TMTC2: variants seen among roughly 807,000 people sequenced by gnomAD.
TMTC2 encodes protein O-mannosyl-transferase TMTC2.
In TMTC2, 43 loss-of-function variants were observed where a neutral mutation model predicts 82.4. The observed-to-expected ratio is 0.52, with a 90% CI of 0.41 to 0.67. The LOEUF (loss-of-function observed/expected upper bound fraction) is 0.67. TMTC2 is among the 30% of genes least tolerant of loss of function. The pLI is 0.00. For synonymous variants in TMTC2, 408 were observed against 381.9 expected (o/e 1.07, Z -0.80); for missense variants, 919 against 1,012.4 (o/e 0.91, Z 1.25).
At chr12:82,805,078 G>C (rs1382280543) in intron 1 of TMTC2, among the ~76,000 whole-genome samples, 1 of 152,102 alleles carries the variant, frequency 6.6e-6, no homozygotes, top group Non-Finnish European at 1.5e-5. Flanking sequence ...GTTTCCATTG[G>C]CTGGAACAGG....
intron 1 of TMTC2, among the ~76,000 whole-genome samples, chr12:82,791,808 T>C (rs1371017542): frequency 2.0e-5 from 3 of 152,130 alleles, no homozygotes; most frequent in African/African-American, 7.2e-5. Flanking sequence ...TTTTGAGAAC[T>C]ACTGCTGTAG....
intron 3 of TMTC2, among the ~76,000 whole-genome samples, chr12:82,916,824 G>A (rs1875029030): frequency 6.6e-6 from 1 of 151,984 alleles, no homozygotes; most frequent in Admixed American, 6.6e-5. Context: ...CTACAGATAG[G>A]GGAAAGAGAA....
intron 8 of TMTC2, among the ~76,000 whole-genome samples, chr12:83,000,893 C>T (rs1439507032): frequency 6.6e-6 from 1 of 152,180 alleles, no homozygotes; most frequent in Non-Finnish European, 1.5e-5. Context: ...AGGCTCAACA[C>T]CACATGGAAG....
At chr12:82,879,080 A>G (rs1370528291) in intron 2 of TMTC2, among the ~76,000 whole-genome samples, 1 of 152,160 alleles carries the variant, frequency 6.6e-6, no homozygotes, top group Non-Finnish European at 1.5e-5. Flanking sequence ...TTATAGATAC[A>G]AATTTTTGAC....
intron 2 of TMTC2, among the ~76,000 whole-genome samples, chr12:82,887,401 G>A (rs551669729): frequency 6.6e-6 from 1 of 152,170 alleles, no homozygotes; most frequent in East Asian, 1.9e-4. Context: ...CCCATAGAAG[G>A]GAATAATTCA....
chr12:82,795,260 G>A (rs1264730044), intron 1 of TMTC2, among the ~76,000 whole-genome samples: 2 of 148,968 alleles, frequency 1.3e-5, no homozygotes, highest in South Asian at 2.1e-4. Flanking sequence ...AGCCGAGATC[G>A]TGCCACTGCA....
chr12:82,839,476 A>C (rs1198042429), intron 1 of TMTC2, among the ~76,000 whole-genome samples: 2 of 152,128 alleles, frequency 1.3e-5, no homozygotes, highest in East Asian at 3.8e-4. Flanking sequence ...GGGCTGACTT[A>C]TATGAAGGGT....
At chr12:82,968,803 C>T (rs1017579041) in intron 7 of TMTC2, among the ~76,000 whole-genome samples, 4 of 151,992 alleles carry the variant, frequency 2.6e-5, no homozygotes, top group African/African-American at 9.7e-5. Context: ...TAAGTGTGTC[C>T]CTGGGGGTTA....
chr12:83,053,908 G>A (rs1309300496), intron 10 of TMTC2, among the ~76,000 whole-genome samples: 1 of 152,090 alleles, frequency 6.6e-6, no homozygotes, highest in Non-Finnish European at 1.5e-5. Flanking sequence ...TGAGGTGGAA[G>A]TAGTATTAAT....
intron 4 of TMTC2, among the ~76,000 whole-genome samples, chr12:82,936,596 A>G (rs531527598): frequency 3.6e-4 from 55 of 152,294 alleles, no homozygotes; most frequent in Admixed American, 1.8e-3. Context: ...TTACAATTAA[A>G]TTACTATACT....
chr12:82,748,629 A>G (rs1036629299), intron 1 of TMTC2, among the ~76,000 whole-genome samples: 23 of 152,292 alleles, frequency 1.5e-4, no homozygotes, highest in African/African-American at 5.1e-4. Flanking sequence ...TAATCCCAGC[A>G]CTTTGGGAGG....
At chr12:83,054,194 C>T (rs1592718800) in intron 10 of TMTC2, among the ~76,000 whole-genome samples, 1 of 152,188 alleles carries the variant, frequency 6.6e-6, no homozygotes, top group East Asian at 1.9e-4. Context: ...GAGAAGTAAA[C>T]TTTGTTGTCT....
intron 11 of TMTC2, among the ~76,000 whole-genome samples, chr12:83,073,080 T>C (rs1240671940): frequency 1.3e-5 from 2 of 152,142 alleles, no homozygotes; most frequent in Non-Finnish European, 2.9e-5. Context: ...TTTTGCTTTT[T>C]AACATGTATT....
chr12:82,859,589 T>C (rs190245059), intron 2 of TMTC2, among the ~76,000 whole-genome samples: 1 of 152,350 alleles, frequency 6.6e-6, no homozygotes, highest in East Asian at 1.9e-4. Context: ...TTAATCTTTG[T>C]TTCTCTGAAA....
chr12:82,705,599 G>A (rs751829725), intron 1 of TMTC2, among the ~76,000 whole-genome samples: 2 of 152,164 alleles, frequency 1.3e-5, no homozygotes, highest in Admixed American at 6.5e-5. Flanking sequence ...TTTGAACTTC[G>A]TTTATTTTAA....
At chr12:82,876,156 A>ATTAGTAATGGTGGTGGTG (rs1872560887) in intron 2 of TMTC2, among the ~76,000 whole-genome samples, 3 of 114,924 alleles carry the variant, frequency 2.6e-5, no homozygotes, top group Non-Finnish European at 5.1e-5. Context: ...TGGTGGTGGT[A>ATTAGTAATGGTGGTGGTG]GTGGTGGTAG....
intron 1 of TMTC2, among the ~76,000 whole-genome samples, chr12:82,851,536 AC>A (rs1160394472): frequency 6.6e-6 from 1 of 152,214 alleles, no homozygotes; most frequent in Non-Finnish European, 1.5e-5. Flanking sequence ...TCTCTAGTTT[AC>A]AGTTGAGGAA....
intron 2 of TMTC2, among the ~76,000 whole-genome samples, chr12:82,885,206 C>T (rs1873029278): frequency 7.0e-6 from 1 of 143,748 alleles, no homozygotes; most frequent in Non-Finnish European, 1.5e-5. Flanking sequence ...CCCAGCCAGA[C>T]TTTGTTTTTG....
At chr12:82,796,213 A>G (rs1481146220) in intron 1 of TMTC2, among the ~76,000 whole-genome samples, 1 of 152,142 alleles carries the variant, frequency 6.6e-6, no homozygotes, top group African/African-American at 2.4e-5. Context: ...GGCTGAATTC[A>G]TTGCAGTCCT....
Sources: allele counts gnomAD v4.1 joint callset (sites outside exome capture counted in the v4.1 genomes callset), GRCh38; gene constraint gnomAD v4.1.1; transcripts MANE v1.5; gene names NCBI Gene and HGNC (gene_info 2026-07-23, HGNC 2026-07-21).